HSD17B12: variants seen among roughly 807,000 people sequenced by gnomAD.
HSD17B12 encodes the protein hydroxysteroid 17-beta dehydrogenase 12.
Under a neutral mutation model 39.3 loss-of-function variants are expected in HSD17B12, and 32 were observed. That is an observed-to-expected ratio of 0.81 (90% confidence interval 0.61 to 1.09). The LOEUF (loss-of-function observed/expected upper bound fraction) is 1.09. HSD17B12 is among the 50% of genes least tolerant of loss of function. HSD17B12 has a pLI of 0.00. For synonymous variants in HSD17B12, 150 were observed against 146.7 expected (o/e 1.02, Z -0.16); for missense variants, 342 against 382.9 (o/e 0.89, Z 0.89).
At chr11:43,750,816 C>A in intron 1 of HSD17B12, 95 bp from the exon 2 acceptor site, 2 of 778,482 alleles carry the variant, frequency 2.6e-6, no homozygotes, top group Non-Finnish European at 4.3e-6. Flanking sequence ...CAAAGTGTCA[C>A]ACTGGTCCTT....
At chr11:43,750,986 A>T in intron 2 of HSD17B12, 29 bp downstream of exon 2, 2 of 1,445,240 alleles carry the variant, frequency 1.4e-6, no homozygotes, top group Non-Finnish European at 1.9e-6. Context: ...CTTTCCTTTT[A>T]ATATAAAAAA....
chr11:43,716,140 G>GATAA (rs1473344673), intron 1 of HSD17B12, among the ~76,000 whole-genome samples: 27 of 152,158 alleles, frequency 1.8e-4, no homozygotes. Context: ...CAAACCCGTA[G>GATAA]ATTAAATTGC....
chr11:43,768,835 G>A (rs543129134), intron 3 of HSD17B12, among the ~76,000 whole-genome samples: 2 of 146,158 alleles, frequency 1.4e-5, no homozygotes, highest in South Asian at 4.2e-4. Flanking sequence ...CTGCTGATTG[G>A]TCCATTTTAC....
chr11:43,816,333 A>G lies in HSD17B12; in HGVS notation c.457-14A>G. 6.7e-7 allele frequency: 1 copy of G among 1,482,114 alleles called. No individual in the cohort carries two copies. The highest frequency in any genetic ancestry group is 1.3e-5 in the South Asian group (1 of 79,990). The allele number at this position is 1,482,114 out of a possible 1,614,324, so 91.8% of individuals were successfully genotyped here. A position where few individuals can be genotyped will look rare whatever the true frequency, so the allele number is the denominator to read the frequency against. ...TGATCAAGTGTATATAAAATTCTCA[A>G]TATTTTTTTGCAGGTGATCAAGAAA... On this transcript the variant is annotated splice_polypyrimidine_tract_variant and intron_variant, in intron 5 of 10. Transcript: ENST00000278353.
chr11:43,784,982 AT>A (rs1002923233), intron 3 of HSD17B12, among the ~76,000 whole-genome samples: 4 of 152,278 alleles, frequency 2.6e-5, no homozygotes, highest in African/African-American at 7.2e-5. Flanking sequence ...ATCTTGAGGC[AT>A]TAACTTTTTT....
At chr11:43,669,306 A>G in the HSD17B12 span, among the ~76,000 whole-genome samples, 142,721 of 151,918 alleles carry the variant, frequency 0.94, 67,655 homozygotes, top group East Asian at 1. Flanking sequence ...TTCGAGACCA[A>G]CCTGACCAAT....
the HSD17B12 span, among the ~76,000 whole-genome samples, chr11:43,649,326 T>C: frequency 6.6e-6 from 1 of 152,034 alleles, no homozygotes; most frequent in East Asian, 1.9e-4. Context: ...TATAATATCA[T>C]ATTAATTTTT....
chr11:43,593,256 G>A, the HSD17B12 span, among the ~76,000 whole-genome samples: 14 of 152,278 alleles, frequency 9.2e-5, no homozygotes, highest in East Asian at 2.5e-3. Context: ...TGACCAGGGC[G>A]TTAGAAGATA....
the HSD17B12 span, among the ~76,000 whole-genome samples, chr11:43,652,020 C>T: frequency 2.6e-5 from 4 of 152,110 alleles, no homozygotes; most frequent in Non-Finnish European, 5.9e-5. Context: ...ATACCATGTT[C>T]GTGGATTGGA....
intron 1 of HSD17B12, among the ~76,000 whole-genome samples, chr11:43,706,689 G>GGTGTGTGTGTGTGTGTGTGT (rs147962977): frequency 1.5e-3 from 201 of 137,896 alleles, no homozygotes; most frequent in Middle Eastern, 3.6e-3. Context: ...TGAATGAAGG[G>GGTGTGTGTGTGTGTGTGTGT]GTGTGTGTGT....
the HSD17B12 span, among the ~76,000 whole-genome samples, chr11:43,577,572 G>T: frequency 1.2e-4 from 19 of 152,276 alleles, no homozygotes; most frequent in South Asian, 2.1e-4. Flanking sequence ...AGAGCCTATA[G>T]GTTGTTTTAT....
chr11:43,679,616 A>T (rs551059056), upstream of HSD17B12, among the ~76,000 whole-genome samples: 146 of 152,290 alleles, frequency 9.6e-4, no homozygotes, highest in African/African-American at 3.5e-3. Context: ...CAAAAAAGGG[A>T]AATTTAAAAA....
rs144298339 is a variant in HSD17B12 at position 43,686,093 on chromosome 11, G to A, written c.160+5106G>A. Among the ~76,000 whole-genome samples the A allele has an allele frequency of 4.5e-3, 688 of 152,240 alleles. 19 individuals carry two copies. The highest frequency in any genetic ancestry group is 0.04 in the Admixed American group (610 of 15,286). ...CTTCGAATGCTATTTTCTGTTTATC[G>A]CTCTGGCATTCTTGAATGGATTTAG... On this transcript the variant is annotated intron_variant, in intron 1 of 10. Coordinates refer to ENST00000278353, the MANE Select transcript of HSD17B12 (RefSeq NM_016142.3).
At chr11:43,789,453 G>A (rs775952445) in intron 3 of HSD17B12, among the ~76,000 whole-genome samples, 8 of 152,152 alleles carry the variant, frequency 5.3e-5, no homozygotes, top group Non-Finnish European at 1.2e-4. Flanking sequence ...TGCCCTCATA[G>A]AGCTTACAGT....
At chr11:43,586,600 A>T in the HSD17B12 span, among the ~76,000 whole-genome samples, 2 of 152,300 alleles carry the variant, frequency 1.3e-5, no homozygotes, top group East Asian at 3.9e-4. Flanking sequence ...CAAACCCAGT[A>T]AAGATCTGTT....
chr11:43,628,035 C>CTTTTTTA, the HSD17B12 span, among the ~76,000 whole-genome samples: 1,659 of 151,404 alleles, frequency 0.011, 11 homozygotes, highest in South Asian at 0.023. Flanking sequence ...TGGTTCTTTT[C>CTTTTTTA]TTTTTTCTTT....
chr11:43,846,813 A>G (rs1295091400), intron 9 of HSD17B12, among the ~76,000 whole-genome samples: 3 of 152,246 alleles, frequency 2.0e-5, no homozygotes, highest in African/African-American at 7.2e-5. Context: ...GAAGGCACAC[A>G]CACACAAAAG....
chr11:43,590,280 G>A, the HSD17B12 span, among the ~76,000 whole-genome samples: 3 of 151,696 alleles, frequency 2.0e-5, no homozygotes, highest in Non-Finnish European at 4.4e-5. Flanking sequence ...AGGGGAACTC[G>A]CTCAAGGGTT....
intron 4 of HSD17B12, among the ~76,000 whole-genome samples, chr11:43,804,127 T>C (rs1423433375): frequency 6.6e-6 from 1 of 152,206 alleles, no homozygotes; most frequent in Non-Finnish European, 1.5e-5. Context: ...GATTCTGTAT[T>C]ATAGAAGGAG....
Sources: gnomAD v4.1 joint callset for allele counts (sites outside exome capture counted in the v4.1 genomes callset) on GRCh38, gnomAD v4.1.1 for gene constraint, MANE v1.5 for transcripts, NCBI Gene and HGNC (gene_info 2026-07-23, HGNC 2026-07-21) for gene names.